The following AMDHD2 variants were observed in gnomAD, a reference collection of about 807,000 sequenced individuals.
The protein encoded by AMDHD2 is N-acetylglucosamine-6-phosphate deacetylase.
AMDHD2 carries 24 observed loss-of-function variants against 41.8 expected under a neutral mutation model. That is an observed-to-expected ratio of 0.57 (90% CI 0.42 to 0.81). AMDHD2 has a LOEUF of 0.81. Among genes scored for constraint, AMDHD2 ranks in the 30% least tolerant of loss-of-function variants. AMDHD2 has a pLI of 0.00. For synonymous variants in AMDHD2, 332 were observed against 255.5 expected, an observed-to-expected ratio of 1.30 and a Z score of -2.85; for missense variants, 540 against 588.5, an observed-to-expected ratio of 0.92 and a Z score of 0.85.
intron 3 of AMDHD2, among the ~76,000 whole-genome samples, chr16:2,525,971 G>A (rs2065998876): frequency 6.6e-6 from 1 of 152,232 alleles, no homozygotes; most frequent in South Asian, 2.1e-4. Context: ...GAGCTACTGT[G>A]CCCAGCCCAG....
At position 2,520,430 on chromosome 16, in the gene AMDHD2, G is replaced by A. The variant is rs945208557; in HGVS notation, c.-29G>A. On this transcript the variant is annotated 5_prime_UTR_variant, in exon 1 of 11. Coordinates refer to ENST00000293971, the MANE Select transcript of AMDHD2 (RefSeq NM_001330449.2). ...CGGGATTTGGCCGCCGCGGGGCTCCGGAGCCGCTCGCTCCCGACACGGCTC... is the reference window on the plus strand; with the variant it reads ...CGGGATTTGGCCGCCGCGGGGCTCCAGAGCCGCTCGCTCCCGACACGGCTC... 3.9e-5 allele frequency: 48 copies of A among 1,226,410 alleles called. No individual in the cohort carries two copies. The highest frequency in any genetic ancestry group is 4.9e-5 in the Non-Finnish European group (48 of 979,904). 76.0% of individuals were successfully genotyped at this position (1,226,410 alleles called of 1,614,324 possible).
chr16:2,524,457 A>G (rs931650096), intron 3 of AMDHD2, among the ~76,000 whole-genome samples: 7 of 151,908 alleles, frequency 4.6e-5, no homozygotes, highest in African/African-American at 1.7e-4. Flanking sequence ...CCGGCTGTTT[A>G]CCTGCCTGGA....
chr16:2,530,662 A>G lies in AMDHD2; in HGVS notation c.*1099A>G. 1 of 1,614,150 alleles carries G rather than the reference A, an allele frequency of 6.2e-7. No homozygotes were observed. Among genetic ancestry groups the G allele is most frequent in the South Asian group, 1.1e-5 (1 of 91,078 alleles). The stretch of plus-strand genomic sequence containing the variant: ...CTCTGCTGCAAAGCCCAGTTAAGGA[A>G]ATGTCTCCAGGTCCAAAGAGATAGG... On this transcript the variant is annotated 3_prime_UTR_variant, in exon 11 of 11. Coordinates refer to ENST00000293971, the MANE Select transcript of AMDHD2 (RefSeq NM_001330449.2).
At chr16:2,529,451 A>G in intron 10 of AMDHD2, 24 bp from the exon 11 acceptor site, 1 of 1,607,130 alleles carries the variant, frequency 6.2e-7, no homozygotes, top group African/African-American at 1.3e-5. Flanking sequence ...CCTGCCCCCT[A>G]CTCATTGCCC....
chr16:2,524,311 T>C (rs2065976909), intron 3 of AMDHD2, among the ~76,000 whole-genome samples: 1 of 152,262 alleles, frequency 6.6e-6, no homozygotes, highest in Non-Finnish European at 1.5e-5. Context: ...TGTCCTTTGC[T>C]ACGGTACTTG....
chr16:2,524,686 A>G (rs2065981966), intron 3 of AMDHD2, among the ~76,000 whole-genome samples: 2 of 152,126 alleles, frequency 1.3e-5, no homozygotes, highest in African/African-American at 2.4e-5. Context: ...CCTAGGGACA[A>G]TCACTTTCAA....
rs540745612 is a variant in AMDHD2, at chr16:2,529,503, C to T, written c.1170C>T (p.His390=). Residue 390 remains histidine (H), a synonymous_variant, in exon 11 of 11, where the codon CAC becomes CAT. Coordinates refer to ENST00000293971, the MANE Select transcript of AMDHD2 (RefSeq NM_001330449.2). ...TCGTGGTGCTCGACGACTCCCTTCA[C>T]GTCCAGGCCACCTACATCTCGGGTG... ...ADFVVLDDSL[H]VQATYISGEL... 2.9e-5 allele frequency: 46 copies of T among 1,611,774 alleles called. No homozygotes were observed. Among genetic ancestry groups the T allele is most frequent in the South Asian group, 1.6e-4 (15 of 91,084 alleles).
intron 3 of AMDHD2, among the ~76,000 whole-genome samples, chr16:2,526,507 T>TGG (rs2066005603): frequency 1.3e-5 from 2 of 152,136 alleles, no homozygotes; most frequent in African/African-American, 4.8e-5. Flanking sequence ...CCTGAGCCTG[T>TGG]GGGGGTCACT....
chr16:2,527,716 G>T lies in AMDHD2; in HGVS notation c.416-57G>T, dbSNP rs2066021874. 4 of 1,555,438 alleles carry T rather than the reference G, an allele frequency of 2.6e-6. No homozygotes were observed. The highest frequency in any genetic ancestry group is 1.9e-5 in the Admixed American group (1 of 52,944). On this transcript the variant is annotated intron_variant, in intron 4 of 10. Transcript: ENST00000293971. The surrounding 1 kb of genome is among the most constrained non-coding windows in gnomAD (Gnocchi z 6.1). Reference sequence around the variant, plus strand: ...GATGCCCAGCTGGTGGGGAGGGCAGGTGATAAGGGCTGGGTGGGGCAGGGA... The same window carrying T: ...GATGCCCAGCTGGTGGGGAGGGCAGTTGATAAGGGCTGGGTGGGGCAGGGA...
At chr16:2,521,675 T>C (rs1379202266) in intron 3 of AMDHD2, among the ~76,000 whole-genome samples, 3 of 152,180 alleles carry the variant, frequency 2.0e-5, no homozygotes. Context: ...AACTTTTTGC[T>C]GTATGTTACT....
intron 3 of AMDHD2, among the ~76,000 whole-genome samples, chr16:2,521,546 G>C (rs2065937402): frequency 6.6e-6 from 1 of 152,134 alleles, no homozygotes; most frequent in Admixed American, 6.5e-5. Context: ...CCTTCCAGAA[G>C]AGACTCCCCC....
At chr16:2,521,870 G>GC (rs1221933628) in intron 3 of AMDHD2, among the ~76,000 whole-genome samples, 2 of 139,576 alleles carry the variant, frequency 1.4e-5, no homozygotes, top group African/African-American at 2.7e-5. Flanking sequence ...TGCAGGCTCC[G>GC]CCCCCCAGGG....
At position 2,530,270 on chromosome 16, in the gene AMDHD2, C is replaced by T. The variant is rs760683908; in HGVS notation, c.*707C>T. ...ACACATCCCCAGGCCCAGTGCTTGC[C>T]GGCTGTGGTGACCCTGCCTGGTGCT... On this transcript the variant is annotated 3_prime_UTR_variant, in exon 11 of 11. Transcript: ENST00000293971. The T allele has an allele frequency of 2.3e-5, 37 of 1,611,852 alleles. No homozygotes were observed. Among genetic ancestry groups the T allele is most frequent in the Admixed American group, 6.7e-5 (4 of 59,882 alleles).
chr16:2,528,914 G>A, intron 9 of AMDHD2, 80 bp from the exon 10 acceptor site: 1 of 1,486,436 alleles, frequency 6.7e-7, no homozygotes. Context: ...CCCTGAGACA[G>A]GGAGTGCTGG....
chr16:2,531,071 C>A lies in AMDHD2; in HGVS notation c.*1508C>A. The A allele has an allele frequency of 6.3e-7, 1 of 1,585,582 alleles. No homozygotes were observed. The highest frequency in any genetic ancestry group is 8.6e-7 in the Non-Finnish European group (1 of 1,161,568). On this transcript the variant is annotated 3_prime_UTR_variant, in exon 11 of 11. Transcript: ENST00000293971. Reference sequence around the variant, plus strand: ...GCTGGCTGTCAGTGCTTGATGTGCCCATCCTCAGCTAAAACCCAGAGCTGG... The same window carrying A: ...GCTGGCTGTCAGTGCTTGATGTGCCAATCCTCAGCTAAAACCCAGAGCTGG...
rs1317050412 is a variant in AMDHD2, at chr16:2,520,375, C to T, written c.-84C>T. On this transcript the variant is annotated 5_prime_UTR_variant, in exon 1 of 11. Coordinates refer to ENST00000293971, the MANE Select transcript of AMDHD2 (RefSeq NM_001330449.2). ...GCTGAAGGTCACGTGGGCGCGGTCT[C>T]AGCTCTCGGCTGGGGTTCGTCACTG... The T allele has an allele frequency of 1.2e-5, 14 of 1,124,016 alleles. No individual in the cohort carries two copies. The highest frequency in any genetic ancestry group is 3.4e-4 in the Middle Eastern group (1 of 2,984). 69.6% of individuals were successfully genotyped at this position (1,124,016 alleles called of 1,614,324 possible).
Position 2,527,906 on chromosome 16 carries a change from C to T in AMDHD2, c.549C>T (p.Ile183=), listed in dbSNP as rs374500096. Residue 183 remains isoleucine (I), a synonymous_variant, in exon 5 of 11, where the codon ATC becomes ATT. Coordinates refer to ENST00000293971, the MANE Select transcript of AMDHD2 (RefSeq NM_001330449.2). This position sits in a 1 kb window ranked among gnomAD's most constrained non-coding sequence, Gnocchi z 6.1. ...ATYGPLDNVR[I]VTLAPELGRS... ...ACGGGCCCCTGGACAATGTCCGCAT[C>T]GTGACGCTGGCCCCAGAGTTGGGCC... The T allele has an allele frequency of 1.5e-4, 241 of 1,595,962 alleles. 1 individual carries two copies. The highest frequency in any genetic ancestry group is 3.3e-4 in the Middle Eastern group (2 of 6,070).
At chr16:2,526,862 A>G (rs1283066941) in intron 3 of AMDHD2, among the ~76,000 whole-genome samples, 1 of 152,142 alleles carries the variant, frequency 6.6e-6, no homozygotes, top group Admixed American at 6.5e-5. Context: ...CTCAGGAGGC[A>G]GAGGTTGCAG....
Position 2,530,977 on chromosome 16 carries a change from CAGGCAGGGAG to C in AMDHD2, c.*1422_*1431del, listed in dbSNP as rs1461722138. 1 of 1,613,350 alleles carries C rather than the reference CAGGCAGGGAG, an allele frequency of 6.2e-7. No individual in the cohort carries two copies. The highest frequency in any genetic ancestry group is 8.5e-7 in the Non-Finnish European group (1 of 1,179,910). ...AGAGGAGCTGTCTTGCCAGGGCTCC[CAGGCAGGGAG>C]AGGCAGGTGAGGTTCTCAGCCGATG... On this transcript the variant is annotated 3_prime_UTR_variant, in exon 11 of 11. Coordinates refer to ENST00000293971, the MANE Select transcript of AMDHD2 (RefSeq NM_001330449.2).
Sources: gnomAD v4.1 joint callset for allele counts (sites outside exome capture counted in the v4.1 genomes callset) on GRCh38, gnomAD v4.1.1 for gene constraint, Gnocchi (gnomAD v3.1) non-coding constraint, MANE v1.5 for transcripts, NCBI Gene and HGNC (gene_info 2026-07-23, HGNC 2026-07-21) for gene names.